Variants in COL25A1 observed in about 807,000 individuals in gnomAD.
COL25A1 encodes collagen type XXV alpha 1 chain, also known as collagen alpha-1(XXV) chain.
In COL25A1, 103 loss-of-function variants were observed where a neutral mutation model predicts 128.4. That is an observed-to-expected ratio of 0.80 (90% CI 0.68 to 0.94). The LOEUF (loss-of-function observed/expected upper bound fraction) is 0.94. Ranked by LOEUF, COL25A1 falls within the 40% of genes least tolerant of loss-of-function variation. The pLI, the probability that COL25A1 is intolerant of heterozygous loss-of-function variation, is 0.00. For missense variants in COL25A1, 745 were observed against 840.0 expected (o/e 0.89, Z 1.40); for synonymous variants, 279 against 277.2 (o/e 1.01, Z -0.06).
chr4:109,302,000 G>T lies in COL25A1; in HGVS notation c.20C>A (p.Ala7Glu). Residue 7 changes from alanine (A) to glutamate (E), a missense_variant, in exon 2 of 38, where the codon GCA becomes GAA. Physicochemically the swap from Ala to Glu is moderately radical, Grantham distance 107 (BLOSUM62 -1). Around this residue, in one of 3 missense-constraint regions of COL25A1, gnomAD observed 319 missense variants for 324.9 expected, o/e 0.98. Coordinates refer to ENST00000399132, the MANE Select transcript of COL25A1 (RefSeq NM_198721.4). MLLKKH[A>E]GKGGGREPRS... is the part of the protein sequence containing the mutation. ...GGGCTCCCGGCCCCCTCCTTTCCCT[G>T]CGTGCTTCTTCAGCAGCATCGTGGC... The T allele has an allele frequency of 6.3e-7, 1 of 1,598,428 alleles. No individual in the cohort carries two copies.
rs58157157 is a variant in COL25A1, at chr4:108,886,492, G to GTGTTTTT, written c.976-2271_976-2270insAAAAACA. ...TGTGTGTGTGTGTGTGTGTGTGTGT[G>GTGTTTTT]TTTAGCTCATCAGCTATTTTATGTG... On this transcript the variant is annotated intron_variant, in intron 18 of 37. Coordinates refer to ENST00000399132, the MANE Select transcript of COL25A1 (RefSeq NM_198721.4). Among the ~76,000 whole-genome samples the GTGTTTTT allele has an allele frequency of 3.0e-4, 33 of 109,272 alleles. 1 individual carries two copies. Among genetic ancestry groups the GTGTTTTT allele is most frequent in the African/African-American group, 1.2e-3 (30 of 24,920 alleles). 71.7% of individuals were successfully genotyped at this position (109,272 alleles called of 152,430 possible). A position where few individuals can be genotyped will look rare whatever the true frequency, so the allele number is the denominator to read the frequency against.
At chr4:109,047,130 G>A (rs1369326300) in intron 5 of COL25A1, among the ~76,000 whole-genome samples, 1 of 152,184 alleles carries the variant, frequency 6.6e-6, no homozygotes, top group East Asian at 1.9e-4. Context: ...TGTTGCCTAA[G>A]GAGGGAGGAC....
chr4:109,138,946 A>G (rs1456404866), intron 3 of COL25A1, among the ~76,000 whole-genome samples: 1 of 152,100 alleles, frequency 6.6e-6, no homozygotes, highest in Non-Finnish European at 1.5e-5. Flanking sequence ...TGACCTTGTG[A>G]TCCGCCCACC....
intron 13 of COL25A1, among the ~76,000 whole-genome samples, chr4:108,904,477 T>G (rs529907387): frequency 6.6e-6 from 1 of 152,272 alleles, no homozygotes; most frequent in Non-Finnish European, 1.5e-5. Context: ...TATATTGTAT[T>G]AATGTATTTT....
rs567555591 is a variant in COL25A1 at position 108,964,217 on chromosome 4, G to A, written c.492+10150C>T. Among the ~76,000 whole-genome samples, 12 of 151,370 alleles carry A rather than the reference G, an allele frequency of 7.9e-5. 1 individual carries two copies. In the South Asian group the frequency reaches 8.3e-4, roughly 10 times the overall value. Reference sequence around the variant, plus strand: ...CAAAAGACAAAAAGGAAATCCAATCGTTATTTAAACTGGTTGGTATCATTT... The same window carrying A: ...CAAAAGACAAAAAGGAAATCCAATCATTATTTAAACTGGTTGGTATCATTT... On this transcript the variant is annotated intron_variant, in intron 8 of 37. Transcript: ENST00000399132.
chr4:109,206,188 C>T (rs146337924), intron 3 of COL25A1, among the ~76,000 whole-genome samples: 2 of 152,198 alleles, frequency 1.3e-5, no homozygotes, highest in African/African-American at 2.4e-5. Context: ...ACTGTACACA[C>T]CTTACCCATA....
Position 108,845,710 on chromosome 4 carries a change from G to A in COL25A1, c.1515+429C>T, listed in dbSNP as rs145059677. ...CCTCCAAATTCTCAGTTAGAATTAC[G>A]GGGAAAACCATAAAACACCATCCCA... On this transcript the variant is annotated intron_variant, in intron 28 of 37. Coordinates refer to ENST00000399132, the MANE Select transcript of COL25A1 (RefSeq NM_198721.4). Among the ~76,000 whole-genome samples the A allele has an allele frequency of 2.4e-3, 371 of 152,200 alleles. 12 individuals carry two copies. The East Asian group carries it at 0.054, about 22-fold the overall frequency.
At chr4:109,183,447 T>C (rs939579097) in intron 3 of COL25A1, among the ~76,000 whole-genome samples, 4 of 152,154 alleles carry the variant, frequency 2.6e-5, no homozygotes, top group Admixed American at 2.6e-4. Context: ...ATGAGAAAAA[T>C]GCAAAGACTT....
chr4:109,116,681 TATG>T (rs1442713569), intron 3 of COL25A1, among the ~76,000 whole-genome samples: 1 of 152,060 alleles, frequency 6.6e-6, no homozygotes, highest in African/African-American at 2.4e-5. Context: ...CAGAGTCAGA[TATG>T]ATAAGAATGT....
chr4:109,295,467 G>T (rs536039436), intron 3 of COL25A1, among the ~76,000 whole-genome samples: 1 of 152,136 alleles, frequency 6.6e-6, no homozygotes, highest in Admixed American at 6.6e-5. Context: ...ATTTTAATTT[G>T]ATTTCTTTCT....
At chr4:109,162,558 A>G (rs1772677628) in intron 3 of COL25A1, among the ~76,000 whole-genome samples, 1 of 152,184 alleles carries the variant, frequency 6.6e-6, no homozygotes, top group Admixed American at 6.5e-5. Flanking sequence ...CTCCCTAACT[A>G]CAATGCAAGT....
At chr4:108,997,299 C>G (rs1417205103) in intron 6 of COL25A1, among the ~76,000 whole-genome samples, 1 of 152,158 alleles carries the variant, frequency 6.6e-6, no homozygotes, top group Non-Finnish European at 1.5e-5. Flanking sequence ...GATATCACAA[C>G]TGATCCCACA....
chr4:109,012,573 G>A (rs1406034065), intron 5 of COL25A1, among the ~76,000 whole-genome samples: 2 of 152,274 alleles, frequency 1.3e-5, no homozygotes, highest in Admixed American at 6.5e-5. Flanking sequence ...TGGAGCGGCC[G>A]GCCAGCCGGC....
chr4:109,189,026 T>C (rs1228774086), intron 3 of COL25A1, among the ~76,000 whole-genome samples: 1 of 152,152 alleles, frequency 6.6e-6, no homozygotes, highest in East Asian at 1.9e-4. Context: ...CTTCAAACCA[T>C]TACATTTTCT....
At chr4:109,013,660 G>A (rs1440637390) in intron 5 of COL25A1, among the ~76,000 whole-genome samples, 2 of 151,512 alleles carry the variant, frequency 1.3e-5, no homozygotes, top group African/African-American at 4.9e-5. Context: ...TGAACGGAAG[G>A]AATGAACAAC....
intron 8 of COL25A1, among the ~76,000 whole-genome samples, chr4:108,951,298 G>A (rs1749392462): frequency 6.6e-6 from 1 of 152,060 alleles, no homozygotes; most frequent in Non-Finnish European, 1.5e-5. Context: ...CAGATTAAAA[G>A]CCAAGATATG....
At chr4:108,910,750 C>G (rs1269350915) in intron 13 of COL25A1, among the ~76,000 whole-genome samples, 1 of 152,118 alleles carries the variant, frequency 6.6e-6, no homozygotes, top group Non-Finnish European at 1.5e-5. Context: ...ATCATAGTGC[C>G]TATTTCATAG....
chr4:109,103,774 T>G (rs186992232), intron 3 of COL25A1, among the ~76,000 whole-genome samples: 100 of 152,304 alleles, frequency 6.6e-4, no homozygotes, highest in African/African-American at 2.3e-3. Context: ...CAGAGCCAAG[T>G]TGGATAAAAG....
intron 3 of COL25A1, among the ~76,000 whole-genome samples, chr4:109,186,973 G>A (rs562842205): frequency 2.0e-5 from 3 of 152,218 alleles, no homozygotes; most frequent in Non-Finnish European, 2.9e-5. Context: ...AATAAATAAC[G>A]AGCTAATGTA....
Sources: gnomAD v4.1 joint callset for allele counts (sites outside exome capture counted in the v4.1 genomes callset) on GRCh38, gnomAD v4.1.1 for gene constraint, gnomAD v4.1.1 regional missense constraint, MANE v1.5 for transcripts, NCBI Gene and HGNC (gene_info 2026-07-23, HGNC 2026-07-21) for gene names.